Variants in DDX17 observed in about 807,000 individuals in gnomAD.
The protein encoded by DDX17 is probable ATP-dependent RNA helicase DDX17.
DDX17 carries 10 observed loss-of-function variants against 80.8 expected under a neutral mutation model. The ratio of observed to expected loss-of-function variants is 0.12; its 90% CI spans 0.08 to 0.21. DDX17 has a LOEUF of 0.21. DDX17 is among the 10% of genes least tolerant of loss of function. The pLI is 1.00. For missense variants in DDX17, 586 were observed against 957.4 expected (o/e 0.61, Z 5.12); for synonymous variants, 339 against 336.2 (o/e 1.01, Z -0.09).
chr22:38,487,573 C>G (rs147507876), intron 12 of DDX17, among the ~76,000 whole-genome samples: 1 of 152,124 alleles, frequency 6.6e-6, no homozygotes, highest in African/African-American at 2.4e-5. Context: ...GAGCTGAGAT[C>G]GCGCCATTGC....
At chr22:38,495,138 CG>C in intron 6 of DDX17, 92 bp from the exon 7 acceptor site, 1 of 1,284,324 alleles carries the variant, frequency 7.8e-7, no homozygotes, top group Non-Finnish European at 1.1e-6. Context: ...GCGGGAAGAT[CG>C]CTTGAGGCCA....
At chr22:38,495,594 T>G (rs926587695) in intron 6 of DDX17, among the ~76,000 whole-genome samples, 1 of 152,176 alleles carries the variant, frequency 6.6e-6, no homozygotes, top group Admixed American at 6.5e-5. Flanking sequence ...TCAGGACTTA[T>G]GTACAATCAC....
At chr22:38,490,055 G>C in intron 11 of DDX17, 2 of 1,069,168 alleles carry the variant, frequency 1.9e-6, no homozygotes, top group Non-Finnish European at 2.3e-6. Context: ...GCTCAATAGA[G>C]GGCAGACATG....
At chr22:38,504,180 T>C (rs1241305994) in intron 1 of DDX17, among the ~76,000 whole-genome samples, 3 of 152,190 alleles carry the variant, frequency 2.0e-5, no homozygotes, top group African/African-American at 7.2e-5. Context: ...CTCCCTTTCC[T>C]ATCATATTTG....
At chr22:38,499,730 A>G (rs763708697) in intron 2 of DDX17, among the ~76,000 whole-genome samples, 4 of 152,198 alleles carry the variant, frequency 2.6e-5, no homozygotes, top group African/African-American at 4.8e-5. Context: ...GAGAAAAAAG[A>G]TAAGTAACTT....
chr22:38,501,032 T>A (rs1229723885), intron 2 of DDX17, 98 bp downstream of exon 2: 8 of 1,399,380 alleles, frequency 5.7e-6, no homozygotes, highest in East Asian at 2.7e-5. Context: ...CACACTAGAA[T>A]AAAATGTAAA....
chr22:38,499,465 A>G lies in DDX17; in HGVS notation c.473T>C (p.Ile158Thr). Reference sequence around the variant, plus strand: ...ACAAACATCTCCCCCCCTCACTGTAATCTCCTTCTTTCGGCGTAGCTCATC... The same window carrying G: ...ACAAACATCTCCCCCCCTCACTGTAGTCTCCTTCTTTCGGCGTAGCTCATC... Residue 158 changes from isoleucine to threonine, a missense_variant, in exon 3 of 13, where the codon ATT (isoleucine) becomes ACT (threonine). Transcript: ENST00000403230. 1 of 1,614,052 alleles carries G rather than the reference A, an allele frequency of 6.2e-7. No homozygotes were observed. Among genetic ancestry groups the G allele is most frequent in the Non-Finnish European group, 8.5e-7 (1 of 1,179,960 alleles).
intron 12 of DDX17, 105 bp downstream of exon 12, chr22:38,487,774 G>A: frequency 2.6e-6 from 3 of 1,166,190 alleles, no homozygotes; most frequent in Non-Finnish European, 2.6e-6. Context: ...TTGCTATTAA[G>A]CAACATACTT....
Position 38,498,297 on chromosome 22 carries a change from A to G in DDX17, c.672+143T>C, listed in dbSNP as rs566192564. On this transcript the variant is annotated intron_variant, in intron 4 of 12. Transcript: ENST00000403230. ...TACAGGAAGCAATACAAATTTGAAC[A>G]TAAAATGCTTCCATATATTTAATAA... 75 of 1,397,558 alleles carry G rather than the reference A, an allele frequency of 5.4e-5. No homozygotes were observed. The African/African-American group carries it at 9.4e-4, about 18-fold the overall frequency. The allele number at this position is 1,397,558 out of a possible 1,614,324, so 86.6% of individuals were successfully genotyped here. A position where few individuals can be genotyped will look rare whatever the true frequency, so the allele number is the denominator to read the frequency against.
chr22:38,498,641 A>G (rs2089793820), intron 3 of DDX17, 68 bp from the exon 4 acceptor site: 1 of 1,549,912 alleles, frequency 6.5e-7, no homozygotes, highest in Non-Finnish European at 8.8e-7. Flanking sequence ...TTTTAAAAAA[A>G]CTTTTAAGCT....
intron 2 of DDX17, among the ~76,000 whole-genome samples, chr22:38,500,252 G>A (rs984963230): frequency 1.3e-5 from 2 of 151,358 alleles, no homozygotes; most frequent in African/African-American, 2.4e-5. Context: ...TTTCAATCAT[G>A]TATAATAAAC....
At chr22:38,492,179 A>C in intron 10 of DDX17, 64 bp from the exon 11 acceptor site, 1 of 1,379,154 alleles carries the variant, frequency 7.3e-7, no homozygotes, top group Non-Finnish European at 1.0e-6. Context: ...TGTTTACATA[A>C]CCATGTTAAA....
chr22:38,500,816 T>TAAAAA (rs2089820142), intron 2 of DDX17, among the ~76,000 whole-genome samples: 1 of 3,784 alleles, frequency 2.6e-4, no homozygotes, highest in Non-Finnish European at 5.7e-4. Flanking sequence ...AAACTCCGTC[T>TAAAAA]CAAAAAAAAA....
At chr22:38,497,502 C>G (rs1161813107) in intron 5 of DDX17, among the ~76,000 whole-genome samples, 2 of 149,496 alleles carry the variant, frequency 1.3e-5, no homozygotes, top group East Asian at 3.9e-4. Context: ...CCTTTAATCC[C>G]AGCTACTCGG....
At chr22:38,503,827 A>C (rs2089854098) in intron 1 of DDX17, among the ~76,000 whole-genome samples, 1 of 152,240 alleles carries the variant, frequency 6.6e-6, no homozygotes, top group Non-Finnish European at 1.5e-5. Context: ...TTTTCAAAAT[A>C]ACCACCACTT....
At chr22:38,488,478 T>C (rs547776876) in intron 11 of DDX17, 54 of 1,109,808 alleles carry the variant, frequency 4.9e-5, no homozygotes, top group Admixed American at 1.4e-4. Flanking sequence ...AACCAGAACA[T>C]AGAACAAAGT....
chr22:38,489,062 T>G lies in DDX17; in HGVS notation c.1448-947A>C. The G allele has an allele frequency of 1.0e-6, 1 of 983,726 alleles. No individual in the cohort carries two copies. Among genetic ancestry groups the G allele is most frequent in the Non-Finnish European group, 1.2e-6 (1 of 828,390 alleles). The allele number at this position is 983,726 out of a possible 1,614,324, so 60.9% of individuals were successfully genotyped here. A position where few individuals can be genotyped will look rare whatever the true frequency, so the allele number is the denominator to read the frequency against. On this transcript the variant is annotated intron_variant, in intron 11 of 12. Transcript: ENST00000403230. The surrounding 1 kb of genome is among the most constrained non-coding windows in gnomAD (Gnocchi z 4.6). ...AGTGTAATGCTTTCAGCTGAATGTATATTTTTACCTACTTAAACAAACAAT... is the reference window on the plus strand; with the variant it reads ...AGTGTAATGCTTTCAGCTGAATGTAGATTTTTACCTACTTAAACAAACAAT...
rs954509368 is a variant in DDX17 at position 38,485,591 on chromosome 22, A to G, written c.*344T>C. On this transcript the variant is annotated 3_prime_UTR_variant, in exon 13 of 13. Transcript: ENST00000403230. Reference sequence around the variant, plus strand: ...CATGGGGCTCCCACAAAAGGGCCTAATACCTTACTCTTTTAGATGAAAAAT... The same window carrying G: ...CATGGGGCTCCCACAAAAGGGCCTAGTACCTTACTCTTTTAGATGAAAAAT... The G allele has an allele frequency of 6.5e-6, 1 of 153,392 alleles. No homozygotes were observed. The highest frequency in any genetic ancestry group is 2.4e-5 in the African/African-American group (1 of 41,230). 9.5% of individuals were successfully genotyped at this position (153,392 alleles called of 1,614,324 possible). A position where few individuals can be genotyped will look rare whatever the true frequency, so the allele number is the denominator to read the frequency against.
intron 3 of DDX17, 108 bp downstream of exon 3, chr22:38,499,292 G>A: frequency 1.3e-6 from 1 of 795,350 alleles, no homozygotes; most frequent in Non-Finnish European, 2.2e-6. Flanking sequence ...ACAATCTCTT[G>A]TCCTTTCAAC....
Sources: allele counts gnomAD v4.1 joint callset (sites outside exome capture counted in the v4.1 genomes callset), GRCh38; gene constraint gnomAD v4.1.1; non-coding constraint Gnocchi (gnomAD v3.1); transcripts MANE v1.5; gene names NCBI Gene and HGNC (gene_info 2026-07-23, HGNC 2026-07-21).